The following HDAC8 variants were observed in gnomAD, a reference collection of about 807,000 sequenced individuals.
HDAC8 encodes the protein histone deacetylase 8, also known as histone deacetylase-like 1.
In HDAC8, 1 loss-of-function variant was observed where a neutral mutation model predicts 32.2. The ratio of observed to expected loss-of-function variants is 0.03; its 90% CI spans 0.01 to 0.15. HDAC8 has a LOEUF of 0.15. Ranked by LOEUF, HDAC8 falls within the 10% of genes least tolerant of loss-of-function variation. HDAC8 has a pLI of 1.00. For missense variants in HDAC8, 117 were observed against 300.0 expected (o/e 0.39, Z 4.51); for synonymous variants, 108 against 113.9 (o/e 0.95, Z 0.33).
intron 9 of HDAC8, among the ~76,000 whole-genome samples, chrX:72,431,254 TGAAGAAAACTGTATC>T (rs1296035751): frequency 2.7e-5 from 3 of 112,234 alleles, no homozygotes; most frequent in African/African-American, 9.7e-5. Context: ...CTGTCACTAC[TGAAGAAAACTGTATC>T]ACTGGACAGA....
At chrX:72,420,484 C>T (rs1324210110) in intron 9 of HDAC8, among the ~76,000 whole-genome samples, 1 of 112,104 alleles carries the variant, frequency 8.9e-6, no homozygotes, top group Non-Finnish European at 1.9e-5. Flanking sequence ...TTATTTGCAT[C>T]TTTCTTTTTT....
chrX:72,384,029 TATA>T (rs1225664657), intron 9 of HDAC8, among the ~76,000 whole-genome samples: 6 of 111,059 alleles, frequency 5.4e-5, no homozygotes. Flanking sequence ...GATGGAGAAA[TATA>T]ATAACATTTG....
At chrX:72,445,870 T>C (rs1442688121) in intron 9 of HDAC8, among the ~76,000 whole-genome samples, 5 of 111,309 alleles carry the variant, frequency 4.5e-5, no homozygotes, top group Admixed American at 1.9e-4. Flanking sequence ...AAAAAGTGGG[T>C]GAAGGATATG....
intron 4 of HDAC8, among the ~76,000 whole-genome samples, chrX:72,565,018 A>G (rs1225201842): frequency 8.9e-6 from 1 of 111,878 alleles, no homozygotes; most frequent in Non-Finnish European, 1.9e-5. Context: ...ATTTTTTCCC[A>G]TTCTTAACAC....
At chrX:72,471,456 A>G (rs1299617205) in intron 7 of HDAC8, among the ~76,000 whole-genome samples, 3 of 112,202 alleles carry the variant, frequency 2.7e-5, no homozygotes, top group African/African-American at 9.7e-5. Flanking sequence ...CATCCCCATC[A>G]GCAATGTATG....
intron 4 of HDAC8, among the ~76,000 whole-genome samples, chrX:72,495,679 G>A (rs1413522531): frequency 9.0e-6 from 1 of 111,660 alleles, no homozygotes; most frequent in East Asian, 2.8e-4. Flanking sequence ...AGACAATCTT[G>A]CTCAGCCAGA....
At chrX:72,396,782 C>A (rs1555965700) in intron 9 of HDAC8, among the ~76,000 whole-genome samples, 1 of 110,894 alleles carries the variant, frequency 9.0e-6, no homozygotes, top group Non-Finnish European at 1.9e-5. Context: ...AGGAGGATCA[C>A]TTGAGCTCAG....
chrX:72,508,046 T>C (rs782801464), intron 4 of HDAC8, among the ~76,000 whole-genome samples: 11 of 112,215 alleles, frequency 9.8e-5, no homozygotes, highest in Non-Finnish European at 1.5e-4. Flanking sequence ...AGATACCTGC[T>C]CTGTTCAACA....
chrX:72,502,786 C>T (rs1556016915), intron 4 of HDAC8, among the ~76,000 whole-genome samples: 3 of 109,616 alleles, frequency 2.7e-5, no homozygotes, highest in African/African-American at 6.7e-5. Context: ...ATTAGCCAGG[C>T]GTGGTGGCAT....
At chrX:72,383,161 G>A (rs903488985) in intron 9 of HDAC8, among the ~76,000 whole-genome samples, 68 of 112,327 alleles carry the variant, frequency 6.1e-4, no homozygotes, top group Non-Finnish European at 3.8e-4. Context: ...TGGGGATACA[G>A]CATTAAGAAA....
At chrX:72,550,338 C>G (rs1453617545) in intron 4 of HDAC8, among the ~76,000 whole-genome samples, 26 of 110,247 alleles carry the variant, frequency 2.4e-4, no homozygotes, top group African/African-American at 8.2e-4. Flanking sequence ...AAGTCCCCCC[C>G]ACCCCACCAA....
At chrX:72,525,609 C>T (rs1481780947) in intron 4 of HDAC8, among the ~76,000 whole-genome samples, 5 of 109,208 alleles carry the variant, frequency 4.6e-5, no homozygotes, top group Non-Finnish European at 7.6e-5. Flanking sequence ...GTCAGCAGAT[C>T]GAGACCATCC....
At chrX:72,552,742 C>T in intron 4 of HDAC8, among the ~76,000 whole-genome samples, 1 of 107,876 alleles carries the variant, frequency 9.3e-6, no homozygotes, top group Middle Eastern at 4.8e-3. Context: ...CACAACTGCA[C>T]TCCAGCCTAG....
chrX:72,414,811 T>A (rs888821385), intron 9 of HDAC8, among the ~76,000 whole-genome samples: 4 of 111,329 alleles, frequency 3.6e-5, no homozygotes, highest in Non-Finnish European at 3.8e-5. Flanking sequence ...TTGTGGTCCT[T>A]AAGGCTGTAG....
chrX:72,413,607 G>A (rs782732939), intron 9 of HDAC8, among the ~76,000 whole-genome samples: 26 of 110,818 alleles, frequency 2.3e-4, no homozygotes, highest in Admixed American at 3.8e-4. Flanking sequence ...ACGTGTAATG[G>A]GAGGGACCTG....
At chrX:72,438,296 C>A (rs782655392) in intron 9 of HDAC8, among the ~76,000 whole-genome samples, 1 of 111,926 alleles carries the variant, frequency 8.9e-6, no homozygotes, top group African/African-American at 3.2e-5. Context: ...GGAATAGCAC[C>A]AACACCAACA....
chrX:72,545,956 T>G (rs1336650340), intron 4 of HDAC8, among the ~76,000 whole-genome samples: 1 of 111,632 alleles, frequency 9.0e-6, no homozygotes, highest in Non-Finnish European at 1.9e-5. Flanking sequence ...GTGGTGTGGA[T>G]AGAGGAGGAG....
At chrX:72,381,074 TC>T (rs369082200) in intron 9 of HDAC8, among the ~76,000 whole-genome samples, 28 of 111,839 alleles carry the variant, frequency 2.5e-4, no homozygotes, top group African/African-American at 8.1e-4. Flanking sequence ...CAACATTATA[TC>T]GTGCAGGAGC....
chrX:72,359,057 GT>G (rs782782513), intron 9 of HDAC8, among the ~76,000 whole-genome samples: 6,252 of 101,873 alleles, frequency 0.061, 498 homozygotes, highest in African/African-American at 0.21. Flanking sequence ...GCTGTATACT[GT>G]TTTTTTTTTT....
Sources: gnomAD v4.1 joint callset for allele counts (sites outside exome capture counted in the v4.1 genomes callset) on GRCh38, gnomAD v4.1.1 for gene constraint, MANE v1.5 for transcripts, NCBI Gene and HGNC (gene_info 2026-07-23, HGNC 2026-07-21) for gene names.